Variants in DTHD1 observed in about 807,000 individuals in gnomAD.
DTHD1 encodes the protein death domain-containing protein 1.
Under a neutral mutation model 74.8 loss-of-function variants are expected in DTHD1, and 59 were observed. The observed-to-expected ratio is 0.79, with a 90% CI of 0.64 to 0.98. The LOEUF is 0.98. Ranked by LOEUF, DTHD1 falls within the 50% of genes least tolerant of loss-of-function variation. DTHD1 has a pLI of 0.00. For missense variants in DTHD1, 1,051 were observed against 1,065.4 expected (o/e 0.99, Z 0.19); for synonymous variants, 365 against 371.1 (o/e 0.98, Z 0.19).
intron 7 of DTHD1, chr4:36,315,508 T>C (rs1238286822): frequency 6.6e-6 from 1 of 152,234 alleles, no homozygotes; most frequent in East Asian, 1.9e-4. Context: ...TAAATTGAGT[T>C]TTATTTACTG....
At chr4:36,310,305 G>A (rs1228267415) in intron 7 of DTHD1, among the ~76,000 whole-genome samples, 1 of 152,196 alleles carries the variant, frequency 6.6e-6, no homozygotes, top group Non-Finnish European at 1.5e-5. Context: ...GGAAAGAGAT[G>A]AAGAGAAAGA....
chr4:36,310,816 C>T (rs553374919), intron 7 of DTHD1, among the ~76,000 whole-genome samples: 15 of 152,084 alleles, frequency 9.9e-5, no homozygotes, highest in Admixed American at 6.5e-4. Flanking sequence ...AGCCAGCTGA[C>T]GGGACTTAGT....
At chr4:36,327,423 A>T (rs1478843599) in intron 8 of DTHD1, among the ~76,000 whole-genome samples, 1 of 152,206 alleles carries the variant, frequency 6.6e-6, no homozygotes, top group Admixed American at 6.5e-5. Flanking sequence ...GTTAATATTA[A>T]TGCAAGTTCT....
chr4:36,291,991 A>C (rs1002344109), intron 3 of DTHD1, among the ~76,000 whole-genome samples: 1 of 152,276 alleles, frequency 6.6e-6, no homozygotes, highest in African/African-American at 2.4e-5. Context: ...AATGTAAAAA[A>C]ATTCATATAT....
intron 8 of DTHD1, among the ~76,000 whole-genome samples, chr4:36,322,317 T>C (rs1338627192): frequency 6.6e-6 from 1 of 152,032 alleles, no homozygotes; most frequent in Non-Finnish European, 1.5e-5. Context: ...AGTGAATGGG[T>C]ATATATAAAT....
intron 8 of DTHD1, among the ~76,000 whole-genome samples, chr4:36,330,737 T>C (rs1167142062): frequency 6.6e-6 from 1 of 152,164 alleles, no homozygotes; most frequent in Non-Finnish European, 1.5e-5. Context: ...GTTATGGGTT[T>C]GCAATGATAT....
chr4:36,299,648 T>C (rs935567181), intron 5 of DTHD1, among the ~76,000 whole-genome samples: 2 of 152,216 alleles, frequency 1.3e-5, no homozygotes, highest in Admixed American at 6.5e-5. Flanking sequence ...AGTTTCCACA[T>C]AGATGTATAT....
intron 1 of DTHD1, among the ~76,000 whole-genome samples, chr4:36,282,457 A>C (rs1257285212): frequency 6.6e-6 from 1 of 152,196 alleles, no homozygotes; most frequent in Admixed American, 6.5e-5. Context: ...ATCAGAATAT[A>C]GTATTCTATC....
At chr4:36,314,755 T>G (rs897460602) in intron 7 of DTHD1, among the ~76,000 whole-genome samples, 6 of 134,226 alleles carry the variant, frequency 4.5e-5, no homozygotes, top group African/African-American at 7.9e-5. Flanking sequence ...GAGTTTTTTT[T>G]TTTTTTTTTT....
At chr4:36,315,135 G>A (rs1183716377) in intron 7 of DTHD1, among the ~76,000 whole-genome samples, 1 of 152,178 alleles carries the variant, frequency 6.6e-6, no homozygotes, top group Non-Finnish European at 1.5e-5. Flanking sequence ...AAATTTTGAT[G>A]TAGACATATA....
intron 8 of DTHD1, among the ~76,000 whole-genome samples, chr4:36,331,950 GC>G (rs1219331199): frequency 1.3e-5 from 2 of 152,122 alleles, no homozygotes; most frequent in Non-Finnish European, 2.9e-5. Flanking sequence ...TGTTTCGGTT[GC>G]CCTTGAAATT....
intron 8 of DTHD1, among the ~76,000 whole-genome samples, chr4:36,336,469 G>T (rs1194619430): frequency 6.6e-6 from 1 of 152,192 alleles, no homozygotes; most frequent in East Asian, 1.9e-4. Context: ...CAGAGTGAAG[G>T]AGTTTAAGAA....
chr4:36,308,521 T>A, intron 7 of DTHD1, 28 bp downstream of exon 7: 1 of 1,509,106 alleles, frequency 6.6e-7, no homozygotes, highest in Non-Finnish European at 8.9e-7. Context: ...TTTTTATATA[T>A]TTTATTGGCT....
At chr4:36,343,083 CAACAAACA>C (rs149943081) in intron 9 of DTHD1, among the ~76,000 whole-genome samples, 199 of 150,588 alleles carry the variant, frequency 1.3e-3, no homozygotes, top group Non-Finnish European at 2.6e-3. Context: ...GAGCGAGACT[CAACAAACA>C]AACAAACAAA....
In DTHD1 at chr4:36,316,160, C is replaced by T. The variant is rs1456232329; in HGVS notation, c.2096-82C>T. On this transcript the variant is annotated intron_variant, in intron 7 of 9. Transcript: ENST00000639862. ...CCATGTTAGCCAGGATGGTCTCGAT[C>T]TCCTGACCTCGTGATCCGCCTGCCT... 13 of 1,332,760 alleles carry T rather than the reference C, an allele frequency of 9.8e-6. No homozygotes were observed. The African/African-American group carries it at 1.6e-4, about 17-fold the overall frequency. 82.6% of individuals were successfully genotyped at this position (1,332,760 alleles called of 1,614,324 possible).
At chr4:36,317,409 T>C (rs746072934) in intron 8 of DTHD1, among the ~76,000 whole-genome samples, 1 of 152,188 alleles carries the variant, frequency 6.6e-6, no homozygotes, top group Non-Finnish European at 1.5e-5. Context: ...TAGTCTAAAC[T>C]GAGATGGGCA....
chr4:36,283,871 A>G (rs1230431489), intron 1 of DTHD1, 105 bp from the exon 2 acceptor site: 7 of 801,366 alleles, frequency 8.7e-6, no homozygotes, highest in African/African-American at 3.5e-5. Flanking sequence ...AGGTCTTTGT[A>G]GGTTTCTAAA....
intron 5 of DTHD1, among the ~76,000 whole-genome samples, chr4:36,299,925 A>G (rs1166836914): frequency 6.6e-6 from 1 of 152,140 alleles, no homozygotes; most frequent in Non-Finnish European, 1.5e-5. Context: ...AGCTGAGATC[A>G]TGCCACTACA....
chr4:36,329,490 G>T (rs1758545129), intron 8 of DTHD1, among the ~76,000 whole-genome samples: 1 of 152,170 alleles, frequency 6.6e-6, no homozygotes. Context: ...CTTAAGTTAT[G>T]AGTTCATGCT....
Sources: allele counts gnomAD v4.1 joint callset (sites outside exome capture counted in the v4.1 genomes callset), GRCh38; gene constraint gnomAD v4.1.1; transcripts MANE v1.5; gene names NCBI Gene and HGNC (gene_info 2026-07-23, HGNC 2026-07-21).